Variants in ADGRL1 observed in about 807,000 individuals in gnomAD.
ADGRL1 encodes the protein adhesion G protein-coupled receptor L1.
ADGRL1 carries 31 observed loss-of-function variants against 148.9 expected under a neutral mutation model. The ratio of observed to expected loss-of-function variants is 0.21; its 90% CI spans 0.16 to 0.28. The LOEUF is 0.28. ADGRL1 is among the 10% of genes least tolerant of loss of function. ADGRL1 has a pLI of 1.00. For synonymous variants in ADGRL1, 937 were observed against 900.3 expected, an observed-to-expected ratio of 1.04 and a Z score of -0.73; for missense variants, 1,521 against 2,058.8, an observed-to-expected ratio of 0.74 and a Z score of 5.05.
intron 18 of ADGRL1, among the ~76,000 whole-genome samples, chr19:14,154,759 C>T (rs576557010): frequency 1.5e-4 from 23 of 152,064 alleles, no homozygotes; most frequent in African/African-American, 5.3e-4. Flanking sequence ...GGACTACAGG[C>T]GCCCACCACC....
At chr19:14,205,636 TC>T (rs1048483335) in intron 1 of ADGRL1, among the ~76,000 whole-genome samples, 22 of 150,030 alleles carry the variant, frequency 1.5e-4, no homozygotes, top group Non-Finnish European at 2.5e-4. Context: ...CCGCGCCGCT[TC>T]CCCACAAAGG....
rs1326420406 is a variant in ADGRL1 at position 14,170,682 on chromosome 19, T to TA, written c.393_394insT (p.Ile132TyrfsTer36). 6.3e-7 allele frequency: 1 copy of TA among 1,595,554 alleles called. No individual in the cohort carries two copies. The highest frequency in any genetic ancestry group is 8.6e-7 in the Non-Finnish European group (1 of 1,163,912). On this transcript the variant is annotated frameshift_variant and splice_region_variant, in exon 4 of 23. Coordinates refer to ENST00000361434, the MANE Select transcript of ADGRL1 (RefSeq NM_014921.5). LOFTEE classifies it high-confidence loss of function. ...CCGCACAAGGAACAAGATGACTCAC[T>TA]GTAGGGGACACAGTCGTACTGCACC...
chr19:14,158,138 G>A, intron 12 of ADGRL1, 86 bp from the exon 13 acceptor site: 2 of 1,431,694 alleles, frequency 1.4e-6, no homozygotes, highest in South Asian at 2.4e-5. Context: ...CAACAGGGAT[G>A]GTACCAAGTA....
chr19:14,151,047 G>C lies in ADGRL1; in HGVS notation c.4236C>G (p.Pro1412=). ...AGGTGTAGTAGATTTCGGGGGGGCC[G>C]GGGGGTGCGGGAGGGGGTGGGGGCA... ...EALPPPPPAP[P]GPPEIYYTSR... Residue 1412 remains proline (P), a synonymous_variant, in exon 23 of 23, where the codon CCC becomes CCG. Transcript: ENST00000361434. 6.7e-7 allele frequency: 1 copy of C among 1,493,368 alleles called. No homozygotes were observed. The allele number at this position is 1,493,368 out of a possible 1,614,324, so 92.5% of individuals were successfully genotyped here. A position where few individuals can be genotyped will look rare whatever the true frequency, so the allele number is the denominator to read the frequency against.
intron 22 of ADGRL1, 93 bp from the exon 23 acceptor site, chr19:14,151,708 T>C: frequency 7.9e-7 from 1 of 1,268,822 alleles, no homozygotes; most frequent in Non-Finnish European, 1.1e-6. Context: ...AGAAGTGGGC[T>C]TGATTCCTGC....
At position 14,157,534 on chromosome 19, in the gene ADGRL1, G is replaced by A. The variant is rs1175783056; in HGVS notation, c.2536-74C>T. The stretch of plus-strand genomic sequence containing the variant: ...TGGGCTCAGCCAGGTGCCAGCCACA[G>A]ACAGGGCCCTGGGCAAGGCCATGGG... On this transcript the variant is annotated intron_variant, in intron 13 of 22. Coordinates refer to ENST00000361434, the MANE Select transcript of ADGRL1 (RefSeq NM_014921.5). This position sits in a 1 kb window ranked among gnomAD's most constrained non-coding sequence, Gnocchi z 7.5. 1.3e-6 allele frequency: 2 copies of A among 1,481,822 alleles called. No individual in the cohort carries two copies. Among genetic ancestry groups the A allele is most frequent in the Non-Finnish European group, 9.4e-7 (1 of 1,067,820 alleles). The allele number at this position is 1,481,822 out of a possible 1,614,324, so 91.8% of individuals were successfully genotyped here. A position where few individuals can be genotyped will look rare whatever the true frequency, so the allele number is the denominator to read the frequency against.
In ADGRL1 at chr19:14,155,064, G is replaced by T. The variant is rs1968582802; in HGVS notation, c.3294+295C>A. ...CCAAAGTCCTCCCTCTCCCAGGCCT[G>T]ACTCGTGGCCCTCATGGTGGTGAGG... On this transcript the variant is annotated intron_variant, in intron 18 of 22. Coordinates refer to ENST00000361434, the MANE Select transcript of ADGRL1 (RefSeq NM_014921.5). This position sits in a 1 kb window ranked among gnomAD's most constrained non-coding sequence, Gnocchi z 5.0. 4.8e-6 allele frequency: 1 copy of T among 207,366 alleles called. No individual in the cohort carries two copies. Among genetic ancestry groups the T allele is most frequent in the Non-Finnish European group, 9.7e-6 (1 of 103,556 alleles). 12.8% of individuals were successfully genotyped at this position (207,366 alleles called of 1,614,324 possible). A position where few individuals can be genotyped will look rare whatever the true frequency, so the allele number is the denominator to read the frequency against.
Position 14,170,803 on chromosome 19 carries a change from A to C in ADGRL1, c.285-12T>G. 7.0e-7 allele frequency: 1 copy of C among 1,420,534 alleles called. No individual in the cohort carries two copies. The highest frequency in any genetic ancestry group is 9.9e-7 in the Non-Finnish European group (1 of 1,006,304). The allele number at this position is 1,420,534 out of a possible 1,614,324, so 88.0% of individuals were successfully genotyped here. On this transcript the variant is annotated splice_polypyrimidine_tract_variant and intron_variant, in intron 3 of 22. Coordinates refer to ENST00000361434, the MANE Select transcript of ADGRL1 (RefSeq NM_014921.5). The stretch of plus-strand genomic sequence containing the variant: ...TGCGGTTGTTACACCTTCAGAGGAG[A>C]AACAGGGCATTGGGAAAGAAACACA...
chr19:14,192,626 C>T (rs1010503562), intron 1 of ADGRL1, among the ~76,000 whole-genome samples: 9 of 152,068 alleles, frequency 5.9e-5, no homozygotes, highest in South Asian at 2.1e-4. Flanking sequence ...CTGCAACCTC[C>T]GCCTCAAGTG....
rs1967978220 is a variant in ADGRL1, at chr19:14,149,822, G to A, written c.*1051C>T. 1 of 152,458 alleles carries A rather than the reference G, an allele frequency of 6.6e-6. No homozygotes were observed. The highest frequency in any genetic ancestry group is 1.5e-5 in the Non-Finnish European group (1 of 67,950). The allele number at this position is 152,458 out of a possible 1,614,324, so 9.4% of individuals were successfully genotyped here. A position where few individuals can be genotyped will look rare whatever the true frequency, so the allele number is the denominator to read the frequency against. On this transcript the variant is annotated 3_prime_UTR_variant, in exon 23 of 23. Transcript: ENST00000361434. ...GGATGCACGTACACGGAGAAGTCCT[G>A]GCTGCCAGGCCAGCAGCGCTGCTCT...
chr19:14,184,634 A>ATTTT lies in ADGRL1; in HGVS notation c.-95-938_-95-937insAAAA, dbSNP rs1166987303. On this transcript the variant is annotated intron_variant, in intron 1 of 22. Transcript: ENST00000361434. Reference sequence around the variant, plus strand: ...TATTTATTTATTTATTTATTTATTTATTTATTTATTTATTTTTTTTTCTGA... The same window carrying ATTTT: ...TATTTATTTATTTATTTATTTATTTATTTTTTTATTTATTTATTTTTTTTTCTGA... 3.6e-3 allele frequency among the ~76,000 whole-genome samples: 427 copies of ATTTT among 118,978 alleles called. 4 individuals carry two copies. Among genetic ancestry groups the ATTTT allele is most frequent in the East Asian group, 9.3e-3 (43 of 4,636 alleles). 78.1% of individuals were successfully genotyped at this position (118,978 alleles called of 152,430 possible).
chr19:14,166,668 T>G (rs1970004939), intron 4 of ADGRL1, among the ~76,000 whole-genome samples: 1 of 133,632 alleles, frequency 7.5e-6, no homozygotes, highest in South Asian at 2.8e-4. Context: ...CCGCCCTGGA[T>G]GCTTATACAC....
chr19:14,203,782 C>A (rs898360664), intron 1 of ADGRL1, among the ~76,000 whole-genome samples: 12 of 151,976 alleles, frequency 7.9e-5, no homozygotes, highest in Non-Finnish European at 1.6e-4. Flanking sequence ...GCCAGCTACA[C>A]CCCCAAGAGC....
rs371825233 is a variant in ADGRL1 at position 14,150,954 on chromosome 19, G to A, written c.4329C>T (p.His1443=). ...GGCCTGGGGCTGCCAGGTAGCCCTCGTGGCTAGGACGCCGCACCTGGTAGT... is the reference window on the plus strand; with the variant it reads ...GGCCTGGGGCTGCCAGGTAGCCCTCATGGCTAGGACGCCGCACCTGGTAGT... ...QGYYQVRRPS[H]EGYLAAPGLE... The change falls in exon 23 of 23, where the codon CAC becomes CAT. Residue 1443 remains histidine, a synonymous_variant. Transcript: ENST00000361434. 9.1e-5 allele frequency: 147 copies of A among 1,608,612 alleles called. No individual in the cohort carries two copies. The highest frequency in any genetic ancestry group is 3.4e-4 in the Middle Eastern group (2 of 5,824).
At chr19:14,203,965 G>A (rs540185024) in intron 1 of ADGRL1, among the ~76,000 whole-genome samples, 1 of 152,152 alleles carries the variant, frequency 6.6e-6, no homozygotes, top group African/African-American at 2.4e-5. Context: ...GTAGGAAGAT[G>A]GTGGCAAGAC....
intron 1 of ADGRL1, among the ~76,000 whole-genome samples, chr19:14,198,298 G>A (rs1464853225): frequency 6.6e-6 from 1 of 152,130 alleles, no homozygotes; most frequent in Non-Finnish European, 1.5e-5. Context: ...GTTCACAGGT[G>A]TCCTCTGGCC....
intron 1 of ADGRL1, among the ~76,000 whole-genome samples, chr19:14,189,224 T>C (rs1256963109): frequency 6.6e-6 from 1 of 151,446 alleles, no homozygotes; most frequent in African/African-American, 2.4e-5. Flanking sequence ...CTTTTTTTTT[T>C]TTTTTTTCCC....
chr19:14,152,632 T>C lies in ADGRL1; in HGVS notation c.3424-19A>G. 6.2e-7 allele frequency: 1 copy of C among 1,611,866 alleles called. No homozygotes were observed. Among genetic ancestry groups the C allele is most frequent in the Non-Finnish European group, 8.5e-7 (1 of 1,178,286 alleles). On this transcript the variant is annotated intron_variant, in intron 19 of 22. Coordinates refer to ENST00000361434, the MANE Select transcript of ADGRL1 (RefSeq NM_014921.5). The surrounding 1 kb of genome is among the most constrained non-coding windows in gnomAD (Gnocchi z 6.1). The stretch of plus-strand genomic sequence containing the variant: ...TTCGGCTCTGGGAACACAACCCAAA[T>C]GTGAGGGGATCCTTGGGCCACCCAC...
chr19:14,171,911 C>T (rs534921855), intron 3 of ADGRL1, among the ~76,000 whole-genome samples: 7 of 152,202 alleles, frequency 4.6e-5, no homozygotes, highest in Non-Finnish European at 8.8e-5. Flanking sequence ...CCAGGCAGGA[C>T]ACGGGCATGC....
Sources: gnomAD v4.1 joint callset for allele counts (sites outside exome capture counted in the v4.1 genomes callset) on GRCh38, gnomAD v4.1.1 for gene constraint, Gnocchi (gnomAD v3.1) non-coding constraint, MANE v1.5 for transcripts, NCBI Gene and HGNC (gene_info 2026-07-23, HGNC 2026-07-21) for gene names.